DSE: variants seen among roughly 807,000 people sequenced by gnomAD.
The protein encoded by DSE is dermatan-sulfate epimerase.
DSE carries 36 observed loss-of-function variants against 84.4 expected under a neutral mutation model. The observed-to-expected ratio is 0.43, with a 90% confidence interval of 0.33 to 0.56. The LOEUF (loss-of-function observed/expected upper bound fraction) is 0.56. Among genes scored for constraint, DSE ranks in the 20% least tolerant of loss-of-function variants. DSE has a pLI of 0.06. For missense variants in DSE, 862 were observed against 1,169.6 expected (o/e 0.74, Z 3.84); for synonymous variants, 410 against 430.1 (o/e 0.95, Z 0.58).
At chr6:116,291,911 G>C (rs1416980500) in intron 2 of DSE, among the ~76,000 whole-genome samples, 1 of 152,170 alleles carries the variant, frequency 6.6e-6, no homozygotes, top group Non-Finnish European at 1.5e-5. Flanking sequence ...AACAAGGATG[G>C]GTGGAAATGT....
intron 2 of DSE, among the ~76,000 whole-genome samples, chr6:116,292,402 G>A (rs1176354933): frequency 6.6e-6 from 1 of 152,188 alleles, no homozygotes; most frequent in Non-Finnish European, 1.5e-5. Flanking sequence ...TTGGGCGGCA[G>A]CTATACAGCA....
chr6:116,419,135 G>A (rs971972482), intron 2 of DSE, among the ~76,000 whole-genome samples: 3 of 152,136 alleles, frequency 2.0e-5, no homozygotes, highest in African/African-American at 7.2e-5. Context: ...CCCACTCAGA[G>A]CCTCCTAGAT....
intron 2 of DSE, among the ~76,000 whole-genome samples, chr6:116,299,158 G>C (rs2114696093): frequency 6.6e-6 from 1 of 152,274 alleles, no homozygotes; most frequent in Middle Eastern, 3.4e-3. Flanking sequence ...TGGGAAAAGA[G>C]GAAGTGAAAG....
rs1001530678 is a variant in DSE at position 116,371,120 on chromosome 6, C to G, written c.-55C>G. On this transcript the variant is annotated splice_region_variant and 5_prime_UTR_variant, in exon 1 of 6. Coordinates refer to ENST00000644252, the MANE Select transcript of DSE (RefSeq NM_013352.4). ...GAGAGAACGAAGCCTCGGCTGGGAG[C>G]GGTAAGTGGAGGGGCGCGCAAGGGA... 6 of 986,054 alleles carry G rather than the reference C, an allele frequency of 6.1e-6. No individual in the cohort carries two copies. The highest frequency in any genetic ancestry group is 7.2e-6 in the Non-Finnish European group (6 of 830,600). The allele number at this position is 986,054 out of a possible 1,614,324, so 61.1% of individuals were successfully genotyped here.
chr6:116,385,901 A>G (rs1207226795), intron 1 of DSE, among the ~76,000 whole-genome samples: 2 of 152,218 alleles, frequency 1.3e-5, no homozygotes, highest in Admixed American at 6.5e-5. Flanking sequence ...AAAGAATGTA[A>G]AAGAACTTCA....
chr6:116,350,588 A>C (rs1778247813), intron 2 of DSE, among the ~76,000 whole-genome samples: 1 of 152,186 alleles, frequency 6.6e-6, no homozygotes, highest in Non-Finnish European at 1.5e-5. Context: ...CAACTGACAC[A>C]ATTGTCTATT....
At chr6:116,416,686 C>T (rs1782735712) in intron 2 of DSE, among the ~76,000 whole-genome samples, 2 of 151,984 alleles carry the variant, frequency 1.3e-5, no homozygotes, top group South Asian at 4.1e-4. Context: ...CAGGACTGGC[C>T]ACTGTCCATC....
chr6:116,264,183 T>C (rs1186523821), intron 2 of DSE, among the ~76,000 whole-genome samples: 1 of 152,236 alleles, frequency 6.6e-6, no homozygotes, highest in East Asian at 1.9e-4. Flanking sequence ...TCCTGAAATA[T>C]GTTTTCCCAG....
Position 116,399,407 on chromosome 6 carries a change from G to T in DSE, c.157G>T (p.Val53Leu). 1 of 1,614,212 alleles carries T rather than the reference G, an allele frequency of 6.2e-7. No individual in the cohort carries two copies. Among genetic ancestry groups the T allele is most frequent in the Non-Finnish European group, 8.5e-7 (1 of 1,180,050 alleles). ...CATGCTGTACTTCTCCAGGGCAGAA[G>T]TGGCGGAGCTGCAGCTCAGGGCTGC... is the stretch of plus-strand genomic sequence containing the variant. ...HPMLYFSRAE[V>L]AELQLRAASS... Residue 53 changes from valine to leucine, a missense_variant, in exon 2 of 6, where the codon GTG becomes TTG. Physicochemically the swap from Val to Leu is conservative, Grantham distance 32 (BLOSUM62 1). This residue lies in a region of DSE where 309 missense variants were observed against 516.9 expected (regional missense o/e 0.60). Transcript: ENST00000644252.
At position 116,308,050 on chromosome 6, in the gene DSE, C is replaced by T. The variant is rs182816652; in HGVS notation, c.-54+49083C>T. On this transcript the variant is annotated intron_variant, in intron 2 of 3. Transcript: ENST00000430252. ...CAATTTATGGTAACTGCAGAGTATA[C>T]CATCACCATCCTGTGTTCTTTGGAT... is the stretch of plus-strand genomic sequence containing the variant. 9.8e-5 allele frequency among the ~76,000 whole-genome samples: 15 copies of T among 152,308 alleles called. No homozygotes were observed. In the East Asian group the frequency reaches 2.3e-3, roughly 24 times the overall value.
chr6:116,304,254 A>G (rs1271019554), intron 2 of DSE, among the ~76,000 whole-genome samples: 1 of 152,222 alleles, frequency 6.6e-6, no homozygotes, highest in African/African-American at 2.4e-5. Flanking sequence ...TCACATTTTC[A>G]TGAGCAAAAT....
At chr6:116,341,842 T>C (rs1313548537) in intron 2 of DSE, among the ~76,000 whole-genome samples, 1 of 152,194 alleles carries the variant, frequency 6.6e-6, no homozygotes, top group African/African-American at 2.4e-5. Context: ...GCCTGTACCA[T>C]TGGTCTATAT....
chr6:116,267,371 CG>C lies in DSE; in HGVS notation c.-54+8407del, dbSNP rs1772670450. 2.0e-5 allele frequency among the ~76,000 whole-genome samples: 3 copies of C among 151,846 alleles called. No homozygotes were observed. The South Asian group carries it at 6.2e-4, about 32-fold the overall frequency. ...GGTAGAAGACAGTGATATTGATAATCGGGAGCATGGCTATGCCTAGGCTAAT... is the reference window on the plus strand; with the variant it reads ...GGTAGAAGACAGTGATATTGATAATCGGAGCATGGCTATGCCTAGGCTAAT... On this transcript the variant is annotated intron_variant, in intron 2 of 3. Coordinates refer to the DSE transcript ENST00000430252.
chr6:116,328,780 A>C (rs1025657020), intron 2 of DSE, among the ~76,000 whole-genome samples: 1 of 152,220 alleles, frequency 6.6e-6, no homozygotes. Context: ...CCTGCTGTTT[A>C]AAAGGAAGTG....
chr6:116,405,158 T>A (rs1391171264), intron 2 of DSE, among the ~76,000 whole-genome samples: 2 of 152,210 alleles, frequency 1.3e-5, no homozygotes, highest in Non-Finnish European at 2.9e-5. Context: ...TTGCTGTACG[T>A]ATGAAAATGA....
chr6:116,282,031 GA>G (rs1377039985), intron 2 of DSE, among the ~76,000 whole-genome samples: 2 of 152,234 alleles, frequency 1.3e-5, no homozygotes, highest in African/African-American at 4.8e-5. Context: ...AACGAACTCT[GA>G]AAAGACCAGC....
intron 2 of DSE, among the ~76,000 whole-genome samples, chr6:116,285,864 T>C (rs937265335): frequency 3.9e-5 from 6 of 152,262 alleles, no homozygotes; most frequent in Admixed American, 2.6e-4. Context: ...GGCTCTGTTC[T>C]GTTCCATTGG....
At chr6:116,324,697 T>C (rs928367924) in intron 2 of DSE, among the ~76,000 whole-genome samples, 6 of 152,192 alleles carry the variant, frequency 3.9e-5, no homozygotes, top group African/African-American at 1.4e-4. Context: ...CCCCTCTCAT[T>C]GGTAGCTCGA....
chr6:116,379,235 T>C (rs887454356), intron 1 of DSE, among the ~76,000 whole-genome samples: 3 of 152,122 alleles, frequency 2.0e-5, no homozygotes, highest in Admixed American at 1.3e-4. Context: ...GTCAGTGGGC[T>C]TGAAGGATGC....
Sources: allele counts gnomAD v4.1 joint callset (sites outside exome capture counted in the v4.1 genomes callset), GRCh38; gene constraint gnomAD v4.1.1; regional missense constraint gnomAD v4.1.1; transcripts MANE v1.5; gene names NCBI Gene and HGNC (gene_info 2026-07-23, HGNC 2026-07-21).